SMAD7: variants seen among roughly 807,000 people sequenced by gnomAD.
The protein encoded by SMAD7 is SMAD family member 7, also known as MAD (mothers against decapentaplegic, Drosophila) homolog 7.
SMAD7 carries 8 observed loss-of-function variants against 38.7 expected under a neutral mutation model. The ratio of observed to expected loss-of-function variants is 0.21; its 90% CI spans 0.12 to 0.37. The LOEUF (loss-of-function observed/expected upper bound fraction) is 0.37. Among genes scored for constraint, SMAD7 ranks in the 10% least tolerant of loss-of-function variants. The probability of loss-of-function intolerance (pLI) is 1.00; values close to 1 mark genes in which losing one functional copy is unlikely to be tolerated. For missense variants in SMAD7, 477 were observed against 577.9 expected (o/e 0.83, Z 1.79); for synonymous variants, 327 against 265.1 (o/e 1.23, Z -2.27).
chr18:48,945,629 C>A (rs752576140), intron 2 of SMAD7, among the ~76,000 whole-genome samples: 1 of 152,158 alleles, frequency 6.6e-6, no homozygotes, highest in Non-Finnish European at 1.5e-5. Flanking sequence ...AGAGGGACCT[C>A]GGTTAAGAGA....
In SMAD7 at chr18:48,950,241, G is replaced by A. The variant is rs1035236065; in HGVS notation, c.184C>T (p.Leu62=). 1.7e-5 allele frequency: 26 copies of A among 1,509,486 alleles called. No homozygotes were observed. Among genetic ancestry groups the A allele is most frequent in the Non-Finnish European group, 2.3e-5 (26 of 1,132,724 alleles). The allele number at this position is 1,509,486 out of a possible 1,614,324, so 93.5% of individuals were successfully genotyped here. A position where few individuals can be genotyped will look rare whatever the true frequency, so the allele number is the denominator to read the frequency against. Residue 62 remains leucine, a synonymous_variant, in exon 1 of 4, where the codon CTG becomes TTG. Transcript: ENST00000262158. The stretch of plus-strand genomic sequence containing the variant: ...TTGGCACCTCGCACCGCCTTGCCCA[G>A]GCAGCATCCAGCCCTGCCCGGGCCG... ...GGGPGRAGCC[L]GKAVRGAKGH... is the part of the protein sequence containing the mutation.
At chr18:48,938,375 A>G (rs746251634) in intron 3 of SMAD7, among the ~76,000 whole-genome samples, 6 of 152,176 alleles carry the variant, frequency 3.9e-5, no homozygotes, top group Non-Finnish European at 8.8e-5. Flanking sequence ...TCCAACAAGC[A>G]TGACTTCGCA....
At chr18:48,942,585 A>T (rs1170158602) in intron 2 of SMAD7, 30 bp from the exon 3 acceptor site, 1 of 1,613,622 alleles carries the variant, frequency 6.2e-7, no homozygotes, top group East Asian at 2.2e-5. Context: ...AGAGAAAGAA[A>T]TAAATACACA....
chr18:48,924,208 A>C (rs1306641783), intron 3 of SMAD7, among the ~76,000 whole-genome samples: 3 of 72,210 alleles, frequency 4.2e-5, no homozygotes, highest in Admixed American at 2.0e-4. Flanking sequence ...AGCTGCTGGG[A>C]AGGAGGCGGG....
chr18:48,936,862 C>G (rs1049647783), intron 3 of SMAD7, among the ~76,000 whole-genome samples: 5 of 152,136 alleles, frequency 3.3e-5, no homozygotes, highest in African/African-American at 2.4e-5. Context: ...GGCGGATCAC[C>G]TGAGGTCAGG....
At chr18:48,949,489 G>A (rs543334451) in intron 1 of SMAD7, among the ~76,000 whole-genome samples, 3 of 151,928 alleles carry the variant, frequency 2.0e-5, no homozygotes, top group South Asian at 4.2e-4. Flanking sequence ...CCCCCTTGTT[G>A]ATCCGGAAAT....
chr18:48,930,063 CCTT>C (rs1199006825), intron 3 of SMAD7: 4 of 152,134 alleles, frequency 2.6e-5, no homozygotes, highest in African/African-American at 2.4e-5. Context: ...TGGAAAAGCT[CCTT>C]CTTCTCCTGC....
chr18:48,938,948 G>A (rs991182266), intron 3 of SMAD7, among the ~76,000 whole-genome samples: 1 of 152,106 alleles, frequency 6.6e-6, no homozygotes, highest in Non-Finnish European at 1.5e-5. Flanking sequence ...AGAGAGTCAG[G>A]CACAGACTGC....
At chr18:48,949,696 A>AGGAGGGTATGCACACTCCCCCT (rs1319091709) in intron 1 of SMAD7, 116 bp downstream of exon 1, 5 of 1,134,770 alleles carry the variant, frequency 4.4e-6, no homozygotes, top group Non-Finnish European at 6.1e-6. Flanking sequence ...ACACTCTCCC[A>AGGAGGGTATGCACACTCCCCCT]GGAGGGTATG....
Position 48,949,849 on chromosome 18 carries a change from G to A in SMAD7, c.576C>T (p.Cys192=), listed in dbSNP as rs995386753. 1.9e-6 allele frequency: 3 copies of A among 1,612,266 alleles called. No homozygotes were observed. The African/African-American group carries it at 4.0e-5, about 22-fold the overall frequency. ...GTCGGCTAAGGTGATGGGGGTTGCA[G>A]CACACCAGCTCGGGGTTGATCTTCC... ...SYGKINPELV[C]CNPHHLSRLC... is the part of the protein sequence containing the mutation. Residue 192 remains cysteine (C), a synonymous_variant, in exon 1 of 4, where the codon TGC becomes TGT. Transcript: ENST00000262158.
chr18:48,940,337 T>C (rs2143802937), intron 3 of SMAD7, among the ~76,000 whole-genome samples: 1 of 152,358 alleles, frequency 6.6e-6, no homozygotes, highest in Non-Finnish European at 1.5e-5. Context: ...TCACTGCTTC[T>C]TCCTGGCAGC....
chr18:48,943,798 C>G (rs972888783), intron 2 of SMAD7, among the ~76,000 whole-genome samples: 1 of 151,662 alleles, frequency 6.6e-6, no homozygotes, highest in African/African-American at 2.4e-5. Context: ...CTTTAGTGGC[C>G]TACACATAGC....
intron 2 of SMAD7, among the ~76,000 whole-genome samples, chr18:48,943,873 G>A (rs566381501): frequency 4.3e-4 from 65 of 152,092 alleles, no homozygotes; most frequent in Non-Finnish European, 8.7e-4. Context: ...TCTAACTCAG[G>A]GTCACTCCCT....
At chr18:48,944,814 C>T (rs1307730214) in intron 2 of SMAD7, among the ~76,000 whole-genome samples, 1 of 152,206 alleles carries the variant, frequency 6.6e-6, no homozygotes, top group Admixed American at 6.5e-5. Flanking sequence ...AGAGCCCAGG[C>T]TGGCTGGCAG....
intron 3 of SMAD7, among the ~76,000 whole-genome samples, chr18:48,927,910 G>A (rs1239698295): frequency 6.6e-6 from 1 of 152,210 alleles, no homozygotes; most frequent in East Asian, 1.9e-4. Flanking sequence ...TAGTAGGGGT[G>A]AGGCACAAGT....
chr18:48,928,958 A>G (rs1415954371), intron 3 of SMAD7, among the ~76,000 whole-genome samples: 1 of 152,108 alleles, frequency 6.6e-6, no homozygotes, highest in Non-Finnish European at 1.5e-5. Context: ...GCATTCAGCC[A>G]TGCAAATTAC....
chr18:48,936,387 A>G (rs560713248), intron 3 of SMAD7, among the ~76,000 whole-genome samples: 1 of 152,326 alleles, frequency 6.6e-6, no homozygotes, highest in Admixed American at 6.5e-5. Flanking sequence ...TGTGCCACCA[A>G]TGGCATTGAA....
intron 2 of SMAD7, among the ~76,000 whole-genome samples, chr18:48,945,407 A>G (rs943323374): frequency 3.3e-5 from 5 of 152,030 alleles, no homozygotes; most frequent in African/African-American, 1.2e-4. Flanking sequence ...GCTTGCAGTG[A>G]GCCGAGATCG....
intron 3 of SMAD7, among the ~76,000 whole-genome samples, chr18:48,936,185 C>T (rs946254299): frequency 1.3e-5 from 2 of 151,744 alleles, no homozygotes; most frequent in Non-Finnish European, 2.9e-5. Context: ...ATGTACTTCC[C>T]ATGTGACCTC....
Sources: gnomAD v4.1 joint callset for allele counts (sites outside exome capture counted in the v4.1 genomes callset) on GRCh38, gnomAD v4.1.1 for gene constraint, MANE v1.5 for transcripts, NCBI Gene and HGNC (gene_info 2026-07-23, HGNC 2026-07-21) for gene names.